The following NCAM1 variants were observed in gnomAD, a reference collection of about 807,000 sequenced individuals.
The protein encoded by NCAM1 is antigen recognized by monoclonal antibody 5.1H11.
In NCAM1, 14 loss-of-function variants were observed where a neutral mutation model predicts 109.8. That is an observed-to-expected ratio of 0.13 (90% CI 0.08 to 0.20). The LOEUF (loss-of-function observed/expected upper bound fraction) is 0.20, where lower values mean the gene tolerates loss of function less well. Ranked by LOEUF, NCAM1 falls within the 10% of genes least tolerant of loss-of-function variation. The pLI, the probability that NCAM1 is intolerant of heterozygous loss-of-function variation, is 1.00. For missense variants in NCAM1, 774 were observed against 1,109.9 expected (o/e 0.70, Z 4.30); for synonymous variants, 418 against 442.9 (o/e 0.94, Z 0.70).
chr11:113,253,026 C>A (rs1458564271), intron 15 of NCAM1, among the ~76,000 whole-genome samples: 1 of 151,850 alleles, frequency 6.6e-6, no homozygotes, highest in East Asian at 1.9e-4. Flanking sequence ...CTGTGATAGA[C>A]TCAGATAAAA....
intron 1 of NCAM1, among the ~76,000 whole-genome samples, chr11:113,033,403 G>A (rs1952778162): frequency 6.6e-6 from 1 of 152,134 alleles, no homozygotes; most frequent in African/African-American, 2.4e-5. Context: ...CCAGCTTCAG[G>A]ATGTATTAAA....
intron 1 of NCAM1, among the ~76,000 whole-genome samples, chr11:113,049,277 T>C (rs1555081400): frequency 6.6e-6 from 1 of 152,166 alleles, no homozygotes; most frequent in Non-Finnish European, 1.5e-5. Context: ...GATTCTATGA[T>C]CAACTCCCTG....
At chr11:113,206,616 C>A (rs1555112916) in intron 5 of NCAM1, among the ~76,000 whole-genome samples, 1 of 152,132 alleles carries the variant, frequency 6.6e-6, no homozygotes. Flanking sequence ...AATAAACACA[C>A]CCATGGAATT....
At chr11:113,153,676 G>A (rs1591371108) in intron 1 of NCAM1, among the ~76,000 whole-genome samples, 1 of 152,196 alleles carries the variant, frequency 6.6e-6, no homozygotes, top group African/African-American at 2.4e-5. Flanking sequence ...TCTGAGGTTA[G>A]GAAGAAAGGC....
intron 1 of NCAM1, among the ~76,000 whole-genome samples, chr11:113,091,948 C>T (rs1396393329): frequency 2.0e-5 from 3 of 152,000 alleles, no homozygotes; most frequent in Non-Finnish European, 2.9e-5. Flanking sequence ...TGTCCTCCAC[C>T]AATTCTTTCT....
chr11:113,050,254 C>T (rs375529230), intron 1 of NCAM1, among the ~76,000 whole-genome samples: 26 of 152,190 alleles, frequency 1.7e-4, no homozygotes, highest in Middle Eastern at 6.8e-3. Context: ...AGAATGTTGT[C>T]CATACTTAAT....
chr11:113,095,253 T>A (rs1370091127), intron 1 of NCAM1, among the ~76,000 whole-genome samples: 1 of 152,172 alleles, frequency 6.6e-6, no homozygotes, highest in Non-Finnish European at 1.5e-5. Flanking sequence ...CCAAAACAAA[T>A]GACGACATTC....
intron 1 of NCAM1, among the ~76,000 whole-genome samples, chr11:112,974,767 T>C (rs572462114): frequency 6.6e-6 from 1 of 151,726 alleles, no homozygotes; most frequent in Non-Finnish European, 1.5e-5. Flanking sequence ...GAGGGGAGTA[T>C]GGGAGAAGAG....
chr11:113,022,706 G>T (rs1555076448), intron 1 of NCAM1, among the ~76,000 whole-genome samples: 1 of 152,130 alleles, frequency 6.6e-6, no homozygotes, highest in African/African-American at 2.4e-5. Context: ...AAATCCAAAG[G>T]CAGGCAGGTA....
Position 113,214,433 on chromosome 11 carries a change from T to C in NCAM1, c.981T>C (p.Leu327=), listed in dbSNP as rs1555114088. 6.2e-7 allele frequency: 1 copy of C among 1,613,798 alleles called. No individual in the cohort carries two copies. Among genetic ancestry groups the C allele is most frequent in the Non-Finnish European group, 8.5e-7 (1 of 1,179,768 alleles). The stretch of plus-strand genomic sequence containing the variant: ...TGGAATTAGAGGAGCAGGTCACTCT[T>C]ACCTGTGAAGCCTCCGGAGACCCCA... ...TAMELEEQVT[L]TCEASGDPIP... Residue 327 remains leucine, a synonymous_variant, in exon 8 of 20, where the codon CTT becomes CTC. Transcript: ENST00000316851.
intron 1 of NCAM1, among the ~76,000 whole-genome samples, chr11:113,082,352 G>A (rs1938863083): frequency 1.3e-5 from 2 of 152,182 alleles, no homozygotes; most frequent in Non-Finnish European, 2.9e-5. Context: ...TATCTCCTGA[G>A]ATGCAGATTA....
At chr11:113,207,459 G>T in intron 6 of NCAM1, 81 bp downstream of exon 6, 1 of 1,135,418 alleles carries the variant, frequency 8.8e-7, no homozygotes, top group Non-Finnish European at 1.3e-6. Context: ...TAGTGTCTGC[G>T]TGGAATGGAT....
chr11:113,269,821 T>G lies in NCAM1; in HGVS notation c.2132-367T>G, dbSNP rs930026388. On this transcript the variant is annotated intron_variant, in intron 17 of 19. Coordinates refer to ENST00000316851, the MANE Select transcript of NCAM1 (RefSeq NM_181351.5). Reference sequence around the variant, plus strand: ...GAAATCAGTGATCACTGCCTGCCTGTGCTGCAAAGCCTTTTGCCCTGGTCC... The same window carrying G: ...GAAATCAGTGATCACTGCCTGCCTGGGCTGCAAAGCCTTTTGCCCTGGTCC... 9.8e-6 allele frequency: 3 copies of G among 305,700 alleles called. No individual in the cohort carries two copies. In the Admixed American group the frequency reaches 1.4e-4, roughly 14 times the overall value. The allele number at this position is 305,700 out of a possible 1,614,324, so 18.9% of individuals were successfully genotyped here.
chr11:113,034,903 G>C (rs1952821596), intron 1 of NCAM1, among the ~76,000 whole-genome samples: 1 of 152,092 alleles, frequency 6.6e-6, no homozygotes, highest in South Asian at 2.1e-4. Context: ...AAAAACACAT[G>C]GGAAATATTC....
chr11:113,242,737 T>G, intron 14 of NCAM1: 280 of 1,373,496 alleles, frequency 2.0e-4, no homozygotes, highest in Non-Finnish European at 2.7e-4. Context: ...TATATAGCTA[T>G]GAGTTTAATT....
chr11:113,258,426 T>C (rs536356294), intron 16 of NCAM1, among the ~76,000 whole-genome samples: 31 of 152,336 alleles, frequency 2.0e-4, no homozygotes, highest in South Asian at 4.1e-4. Context: ...CAGGTCACAC[T>C]GCATGGAATA....
intron 7 of NCAM1, among the ~76,000 whole-genome samples, chr11:113,209,996 G>C (rs1944341479): frequency 2.6e-5 from 4 of 152,292 alleles, no homozygotes; most frequent in Admixed American, 2.0e-4. Flanking sequence ...GGAGCTTCTT[G>C]TGGACAGGGG....
chr11:113,030,660 T>G (rs909829189), intron 1 of NCAM1, among the ~76,000 whole-genome samples: 4 of 152,186 alleles, frequency 2.6e-5, no homozygotes, highest in Admixed American at 1.3e-4. Context: ...TTACTTGCTT[T>G]CCAGATCTTG....
chr11:113,203,830 A>T (rs529557634), intron 2 of NCAM1, among the ~76,000 whole-genome samples: 1 of 152,232 alleles, frequency 6.6e-6, no homozygotes, highest in African/African-American at 2.4e-5. Context: ...TCTCGCCTTC[A>T]TCTCAGGAGA....
Sources: allele counts gnomAD v4.1 joint callset (sites outside exome capture counted in the v4.1 genomes callset), GRCh38; gene constraint gnomAD v4.1.1; transcripts MANE v1.5; gene names NCBI Gene and HGNC (gene_info 2026-07-23, HGNC 2026-07-21).